Variants in DPYD observed in about 807,000 individuals in gnomAD.
DPYD encodes dihydropyrimidine dehydrogenase.
Under a neutral mutation model 116.2 loss-of-function variants are expected in DPYD, and 109 were observed. The observed-to-expected ratio is 0.94, with a 90% confidence interval of 0.80 to 1.10. The LOEUF is 1.10. Among genes scored for constraint, DPYD ranks in the 50% least tolerant of loss-of-function variants. DPYD has a pLI of 0.00. For missense variants in DPYD, 1,302 were observed against 1,254.5 expected (o/e 1.04, Z -0.57); for synonymous variants, 440 against 432.0 (o/e 1.02, Z -0.23).
intron 16 of DPYD, among the ~76,000 whole-genome samples, chr1:97,340,473 C>T (rs189002691): frequency 1.3e-5 from 2 of 152,166 alleles, no homozygotes; most frequent in East Asian, 3.9e-4. Flanking sequence ...AGTTCAAGAC[C>T]AGCCTGGGCA....
intron 8 of DPYD, among the ~76,000 whole-genome samples, chr1:97,611,360 G>A (rs557654700): frequency 1.1e-4 from 16 of 152,160 alleles, no homozygotes; most frequent in African/African-American, 3.6e-4. Context: ...AATTATGGGA[G>A]CTATAAGATG....
chr1:97,678,622 T>C (rs1372707775), intron 8 of DPYD, among the ~76,000 whole-genome samples: 1 of 152,162 alleles, frequency 6.6e-6, no homozygotes, highest in Admixed American at 6.6e-5. Context: ...ACACTGTCTA[T>C]GGGACTTTCA....
chr1:97,522,475 C>T (rs1648751958), intron 12 of DPYD, among the ~76,000 whole-genome samples: 1 of 152,128 alleles, frequency 6.6e-6, no homozygotes, highest in African/African-American at 2.4e-5. Context: ...GTAATCCCAG[C>T]ACTTTGGGAG....
intron 8 of DPYD, among the ~76,000 whole-genome samples, chr1:97,676,653 G>C (rs1660159975): frequency 6.6e-6 from 1 of 152,130 alleles, no homozygotes; most frequent in Admixed American, 6.6e-5. Flanking sequence ...TTACAATATG[G>C]AAGCAAGGTT....
intron 8 of DPYD, among the ~76,000 whole-genome samples, chr1:97,641,636 C>T (rs1488867069): frequency 6.6e-6 from 1 of 152,136 alleles, no homozygotes; most frequent in East Asian, 1.9e-4. Context: ...AACCTACAGT[C>T]AATATCACAC....
intron 3 of DPYD, among the ~76,000 whole-genome samples, chr1:97,761,107 T>C (rs1665549361): frequency 6.6e-6 from 1 of 152,082 alleles, no homozygotes; most frequent in South Asian, 2.1e-4. Context: ...GCCACCAGTT[T>C]AAGACATGGT....
chr1:97,094,164 A>C (rs1650075613), intron 21 of DPYD, among the ~76,000 whole-genome samples: 2 of 151,856 alleles, frequency 1.3e-5, no homozygotes, highest in Admixed American at 6.6e-5. Flanking sequence ...TCTACTTCTC[A>C]TCATTCCATT....
At chr1:97,554,706 C>T (rs1651566282) in intron 11 of DPYD, among the ~76,000 whole-genome samples, 1 of 152,096 alleles carries the variant, frequency 6.6e-6, no homozygotes, top group Non-Finnish European at 1.5e-5. Flanking sequence ...GAGAATGCCT[C>T]CAACTAAGAA....
At chr1:97,607,035 T>C (rs892239115) in intron 8 of DPYD, among the ~76,000 whole-genome samples, 1 of 151,984 alleles carries the variant, frequency 6.6e-6, no homozygotes, top group Admixed American at 6.6e-5. Flanking sequence ...GAAATTTTAA[T>C]ACTTCAAAGA....
chr1:97,212,848 C>T (rs768997647), intron 19 of DPYD, among the ~76,000 whole-genome samples: 2 of 152,102 alleles, frequency 1.3e-5, no homozygotes, highest in African/African-American at 2.4e-5. Flanking sequence ...AACTTGCCAT[C>T]CTGTAACTTA....
At position 97,490,438 on chromosome 1, in the gene DPYD, T is replaced by G. The variant is rs964300607; in HGVS notation, c.1740+25288A>C. Among the ~76,000 whole-genome samples, 62 of 146,944 alleles carry G rather than the reference T, an allele frequency of 4.2e-4. 1 individual carries two copies. Among genetic ancestry groups the G allele is most frequent in the African/African-American group, 1.5e-3 (59 of 40,444 alleles). On this transcript the variant is annotated intron_variant, in intron 13 of 22. Transcript: ENST00000370192. ...TTAGTATAACACACTAATAATTGTATAAGTATTATATAACGTACTAATTAT... is the reference window on the plus strand; with the variant it reads ...TTAGTATAACACACTAATAATTGTAGAAGTATTATATAACGTACTAATTAT...
intron 5 of DPYD, chr1:97,700,163 T>G: frequency 2.2e-6 from 1 of 452,640 alleles, no homozygotes. Context: ...AAGTCACTTT[T>G]CCCCTGAGGG....
At chr1:97,430,294 G>C (rs1449837868) in intron 14 of DPYD, among the ~76,000 whole-genome samples, 2 of 152,108 alleles carry the variant, frequency 1.3e-5, no homozygotes, top group Non-Finnish European at 2.9e-5. Context: ...TGTGTGACTT[G>C]AAATATACTT....
intron 14 of DPYD, among the ~76,000 whole-genome samples, chr1:97,412,892 C>T (rs1674088696): frequency 6.6e-6 from 1 of 152,192 alleles, no homozygotes; most frequent in Admixed American, 6.5e-5. Flanking sequence ...CCTTCCCCCA[C>T]ACCACCCTAA....
At chr1:97,222,742 T>C (rs1660858702) in intron 19 of DPYD, among the ~76,000 whole-genome samples, 1 of 152,072 alleles carries the variant, frequency 6.6e-6, no homozygotes, top group African/African-American at 2.4e-5. Flanking sequence ...TACATATTAT[T>C]CTTAAAGTTG....
chr1:97,125,689 A>T (rs1652781456), intron 20 of DPYD, among the ~76,000 whole-genome samples: 1 of 151,970 alleles, frequency 6.6e-6, no homozygotes, highest in African/African-American at 2.4e-5. Context: ...AAGTCCTAAA[A>T]ACTGAAATTA....
At position 97,269,991 on chromosome 1, in the gene DPYD, AT is replaced by A. The variant is rs1324665036; in HGVS notation, c.2300-34998del. Among the ~76,000 whole-genome samples, 16 of 152,282 alleles carry A rather than the reference AT, an allele frequency of 1.1e-4. 1 individual carries two copies. Among genetic ancestry groups the A allele is most frequent in the South Asian group, 4.1e-4 (2 of 4,824 alleles). On this transcript the variant is annotated intron_variant, in intron 18 of 22. Coordinates refer to ENST00000370192, the MANE Select transcript of DPYD (RefSeq NM_000110.4). ...AAAGCATATGAGATTATGTCACATC[AT>A]TTGGCTCAAATGAAGAACTGTAAAC... is the stretch of plus-strand genomic sequence containing the variant.
chr1:97,412,795 A>C (rs1357245400), intron 14 of DPYD, among the ~76,000 whole-genome samples: 2 of 152,210 alleles, frequency 1.3e-5, no homozygotes, highest in Admixed American at 6.5e-5. Flanking sequence ...CACTTGATTT[A>C]AAAGACAAAT....
At chr1:97,394,642 G>C in intron 14 of DPYD, among the ~76,000 whole-genome samples, 1 of 152,046 alleles carries the variant, frequency 6.6e-6, no homozygotes, top group Middle Eastern at 3.2e-3. Flanking sequence ...CATGAAGTGA[G>C]TGTATGCTGT....
Sources: gnomAD v4.1 joint callset for allele counts (sites outside exome capture counted in the v4.1 genomes callset) on GRCh38, gnomAD v4.1.1 for gene constraint, MANE v1.5 for transcripts, NCBI Gene and HGNC (gene_info 2026-07-23, HGNC 2026-07-21) for gene names.